USP49: variants seen among roughly 807,000 people sequenced by gnomAD.
USP49 encodes ubiquitin carboxyl-terminal hydrolase 49.
Under a neutral mutation model 58.6 loss-of-function variants are expected in USP49, and 24 were observed. The ratio of observed to expected loss-of-function variants is 0.41; its 90% CI spans 0.30 to 0.58. The LOEUF (loss-of-function observed/expected upper bound fraction) is 0.58, where lower values mean the gene tolerates loss of function less well. USP49 is among the 20% of genes least tolerant of loss of function. The pLI is 0.30. For synonymous variants in USP49, 408 were observed against 365.1 expected (o/e 1.12, Z -1.34); for missense variants, 703 against 866.1 (o/e 0.81, Z 2.36).
intron 3 of USP49, among the ~76,000 whole-genome samples, chr6:41,816,853 C>T (rs1773360901): frequency 6.6e-6 from 1 of 151,310 alleles, no homozygotes; most frequent in Non-Finnish European, 1.5e-5. Flanking sequence ...CACAGGCGCG[C>T]ACCACCATGC....
intron 3 of USP49, among the ~76,000 whole-genome samples, chr6:41,830,940 T>C (rs1773622433): frequency 6.6e-6 from 1 of 152,142 alleles, no homozygotes; most frequent in Non-Finnish European, 1.5e-5. Flanking sequence ...CCACACAAGA[T>C]AACCTGCATT....
chr6:41,848,189 CAAAT>C (rs1007995224), intron 3 of USP49, among the ~76,000 whole-genome samples: 6 of 151,398 alleles, frequency 4.0e-5, no homozygotes, highest in Middle Eastern at 3.4e-3. Context: ...ACAATAAACA[CAAAT>C]AAAGTATCTA....
chr6:41,834,582 T>C (rs1773693495), intron 3 of USP49, among the ~76,000 whole-genome samples: 1 of 152,190 alleles, frequency 6.6e-6, no homozygotes, highest in African/African-American at 2.4e-5. Context: ...GGCACCATCC[T>C]CTTGAAGCTG....
chr6:41,861,165 C>T (rs182055809), intron 3 of USP49, among the ~76,000 whole-genome samples: 24 of 149,878 alleles, frequency 1.6e-4, no homozygotes, highest in African/African-American at 4.9e-5. Context: ...AAACCAGGGC[C>T]GGGCGCAGTG....
At chr6:41,890,044 T>G (rs986829177) in intron 2 of USP49, among the ~76,000 whole-genome samples, 1 of 152,198 alleles carries the variant, frequency 6.6e-6, no homozygotes, top group Non-Finnish European at 1.5e-5. Flanking sequence ...ATTCACATAC[T>G]CAGTTAATGC....
intron 3 of USP49, among the ~76,000 whole-genome samples, chr6:41,814,698 A>G (rs1471453556): frequency 6.6e-6 from 1 of 152,226 alleles, no homozygotes; most frequent in East Asian, 1.9e-4. Context: ...TCGCTCTCTC[A>G]TCATATTGAT....
chr6:41,843,699 G>A (rs1295201008), intron 3 of USP49, among the ~76,000 whole-genome samples: 1 of 152,118 alleles, frequency 6.6e-6, no homozygotes, highest in Non-Finnish European at 1.5e-5. Context: ...CCTGAGCTCA[G>A]GAGTTCCAGA....
At chr6:41,881,997 A>T (rs1188240767) in intron 2 of USP49, among the ~76,000 whole-genome samples, 2 of 152,138 alleles carry the variant, frequency 1.3e-5, no homozygotes, top group African/African-American at 4.8e-5. Context: ...CATTTTGGGG[A>T]GGGAGGAAAC....
intron 3 of USP49, among the ~76,000 whole-genome samples, chr6:41,860,871 C>T (rs1197060760): frequency 1.3e-5 from 2 of 152,112 alleles, no homozygotes; most frequent in Non-Finnish European, 2.9e-5. Context: ...TGGCCCATGC[C>T]TGTAATCCTA....
At chr6:41,804,132 T>C in intron 4 of USP49, 122 bp from the exon 5 acceptor site, 2 of 754,264 alleles carry the variant, frequency 2.7e-6, no homozygotes, top group South Asian at 2.1e-5. Flanking sequence ...AAAATAGTAA[T>C]ATTAAAATAA....
rs1253434362 is a variant in USP49 at position 41,805,985 on chromosome 6, G to A, written c.999C>T (p.Asn333=). ...EACEREGFCW[N]GRASISRSLE... is the part of the protein sequence containing the mutation. ...GACTCCGACTAATGGAGGCCCTGCCGTTCCAGCAGAAGCCCTCCCGCTCGC... is the reference window on the plus strand; with the variant it reads ...GACTCCGACTAATGGAGGCCCTGCCATTCCAGCAGAAGCCCTCCCGCTCGC... Residue 333 remains asparagine (N), a synonymous_variant, in exon 4 of 8, where the codon AAC becomes AAT. Transcript: ENST00000682992. The A allele has an allele frequency of 2.5e-6, 4 of 1,613,910 alleles. No individual in the cohort carries two copies. The South Asian group carries it at 3.3e-5, about 13-fold the overall frequency.
intron 3 of USP49, among the ~76,000 whole-genome samples, chr6:41,863,540 C>G (rs889068527): frequency 2.6e-5 from 4 of 152,158 alleles, no homozygotes; most frequent in Admixed American, 6.5e-5. Context: ...TGTACTGATT[C>G]CCCTGCTTAA....
intron 3 of USP49, among the ~76,000 whole-genome samples, chr6:41,810,859 G>A (rs1250252808): frequency 1.3e-5 from 2 of 151,948 alleles, no homozygotes; most frequent in African/African-American, 2.4e-5. Flanking sequence ...GTGCCCGGCC[G>A]GTAGTTCCTC....
chr6:41,849,643 C>T (rs1244103009), intron 3 of USP49, among the ~76,000 whole-genome samples: 1 of 148,764 alleles, frequency 6.7e-6, no homozygotes, highest in African/African-American at 2.5e-5. Flanking sequence ...GAGTGTTGCT[C>T]TGTTGCCAGG....
intron 3 of USP49, among the ~76,000 whole-genome samples, chr6:41,821,782 A>T (rs374477200): frequency 6.6e-6 from 1 of 152,184 alleles, no homozygotes; most frequent in Non-Finnish European, 1.5e-5. Flanking sequence ...CATGGACTCC[A>T]ATTATCCAGA....
At chr6:41,835,796 G>T (rs1773715707) in intron 3 of USP49, among the ~76,000 whole-genome samples, 1 of 151,888 alleles carries the variant, frequency 6.6e-6, no homozygotes, top group African/African-American at 2.4e-5. Context: ...TAAATTGGCT[G>T]GGCACAGTAG....
intron 3 of USP49, among the ~76,000 whole-genome samples, chr6:41,826,070 C>G (rs1773532772): frequency 6.6e-6 from 1 of 152,166 alleles, no homozygotes; most frequent in South Asian, 2.1e-4. Context: ...TCGAGACCAG[C>G]CTGGGCAAAA....
In USP49 at chr6:41,791,171, A is replaced by G. The variant is rs1225647974; in HGVS notation, c.*5362T>C. The G allele has an allele frequency of 6.6e-6, 1 of 152,268 alleles. No individual in the cohort carries two copies. Among genetic ancestry groups the G allele is most frequent in the East Asian group, 1.9e-4 (1 of 5,204 alleles). The allele number at this position is 152,268 out of a possible 1,614,324, so 9.4% of individuals were successfully genotyped here. A position where few individuals can be genotyped will look rare whatever the true frequency, so the allele number is the denominator to read the frequency against. On this transcript the variant is annotated 3_prime_UTR_variant, in exon 8 of 8. Coordinates refer to ENST00000682992, the MANE Select transcript of USP49 (RefSeq NM_001286554.2). ...TGGCAGCTTCCAAAAGCATAATTCA[A>G]ATTTCATTCAAAATTTACTGTTTTG...
intron 6 of USP49, among the ~76,000 whole-genome samples, chr6:41,799,488 T>G (rs1307831425): frequency 6.6e-6 from 1 of 152,238 alleles, no homozygotes. Flanking sequence ...AGTCTTTTTG[T>G]AGTTTCCTGC....
Sources: gnomAD v4.1 joint callset for allele counts (sites outside exome capture counted in the v4.1 genomes callset) on GRCh38, gnomAD v4.1.1 for gene constraint, MANE v1.5 for transcripts, NCBI Gene and HGNC (gene_info 2026-07-23, HGNC 2026-07-21) for gene names.